CDC37L1: variants seen among roughly 807,000 people sequenced by gnomAD.
CDC37L1 encodes the protein cell division cycle 37 like 1, HSP90 cochaperone.
Under a neutral mutation model 45.9 loss-of-function variants are expected in CDC37L1, and 32 were observed. The observed-to-expected ratio is 0.70, with a 90% CI of 0.53 to 0.94. CDC37L1 has a LOEUF of 0.94. Among genes scored for constraint, CDC37L1 ranks in the 40% least tolerant of loss-of-function variants. The pLI is 0.00. For synonymous variants in CDC37L1, 150 were observed against 133.0 expected, an observed-to-expected ratio of 1.13 and a Z score of -0.88; for missense variants, 434 against 405.7, an observed-to-expected ratio of 1.07 and a Z score of -0.60.
At chr9:4,694,086 G>A (rs1279652218) in intron 3 of CDC37L1, among the ~76,000 whole-genome samples, 1 of 152,098 alleles carries the variant, frequency 6.6e-6, no homozygotes, top group Non-Finnish European at 1.5e-5. Context: ...TTCTCCTTAT[G>A]TGTTTTATTT....
chr9:4,702,962 G>A, intron 6 of CDC37L1: 2 of 629,880 alleles, frequency 3.2e-6, no homozygotes, highest in Non-Finnish European at 4.6e-6. Context: ...AAGGAGACAT[G>A]ATCAGACCAC....
At chr9:4,697,298 T>A (rs968626874) in intron 4 of CDC37L1, 87 bp downstream of exon 4, 45 of 692,220 alleles carry the variant, frequency 6.5e-5, no homozygotes, top group Non-Finnish European at 1.1e-4. Flanking sequence ...GTTTTCTACA[T>A]TAAGTCCTTT....
intron 5 of CDC37L1, among the ~76,000 whole-genome samples, chr9:4,701,242 T>G (rs948990201): frequency 1.3e-5 from 2 of 152,176 alleles, no homozygotes; most frequent in African/African-American, 4.8e-5. Context: ...CAATAGGGAG[T>G]TGCCTAAGAG....
chr9:4,680,173 T>A (rs1841176899), intron 1 of CDC37L1, among the ~76,000 whole-genome samples: 1 of 152,190 alleles, frequency 6.6e-6, no homozygotes, highest in Non-Finnish European at 1.5e-5. Flanking sequence ...AATACCTTCC[T>A]CCATCTCCCC....
At chr9:4,686,926 C>T (rs1384156625) in intron 2 of CDC37L1, among the ~76,000 whole-genome samples, 2 of 152,108 alleles carry the variant, frequency 1.3e-5, no homozygotes, top group Non-Finnish European at 2.9e-5. Flanking sequence ...TTTTGTATTG[C>T]TTACATGTTG....
intron 3 of CDC37L1, among the ~76,000 whole-genome samples, chr9:4,694,653 A>G (rs894799246): frequency 2.0e-5 from 3 of 152,074 alleles, no homozygotes; most frequent in Non-Finnish European, 4.4e-5. Flanking sequence ...CAGGTGGATC[A>G]TGAGGTTAGG....
intron 6 of CDC37L1, among the ~76,000 whole-genome samples, chr9:4,704,693 G>T (rs761957189): frequency 6.6e-6 from 1 of 152,102 alleles, no homozygotes; most frequent in Non-Finnish European, 1.5e-5. Flanking sequence ...GGTCATTTTT[G>T]ATAAAGCTTA....
chr9:4,705,131 G>A (rs1296482079), intron 6 of CDC37L1, among the ~76,000 whole-genome samples: 3 of 152,138 alleles, frequency 2.0e-5, no homozygotes, highest in Admixed American at 6.5e-5. Context: ...CTATTGGATG[G>A]TGAGGTTTAA....
intron 2 of CDC37L1, among the ~76,000 whole-genome samples, chr9:4,685,754 TCA>T (rs1491145543): frequency 6.6e-6 from 1 of 152,228 alleles, no homozygotes; most frequent in Non-Finnish European, 1.5e-5. Flanking sequence ...GTTTTATACC[TCA>T]GTTTTCCATT....
At chr9:4,692,276 T>G (rs1308612629) in intron 3 of CDC37L1, among the ~76,000 whole-genome samples, 1 of 152,050 alleles carries the variant, frequency 6.6e-6, no homozygotes, top group Non-Finnish European at 1.5e-5. Flanking sequence ...TTTAATGTTT[T>G]TTTTTTTTTT....
intron 4 of CDC37L1, among the ~76,000 whole-genome samples, chr9:4,697,442 C>G (rs547076704): frequency 6.6e-6 from 1 of 151,870 alleles, no homozygotes; most frequent in African/African-American, 2.4e-5. Context: ...CTTTCTCTGC[C>G]ACTCCACCTC....
At chr9:4,705,985 C>A (rs150228239) in intron 6 of CDC37L1, 26 bp from the exon 7 acceptor site, 38 of 1,137,686 alleles carry the variant, frequency 3.3e-5, no homozygotes, top group Non-Finnish European at 4.3e-5. Flanking sequence ...TTTTCTCCCC[C>A]CAATCTACCT....
chr9:4,703,259 C>T (rs892605124), intron 6 of CDC37L1: 1 of 529,118 alleles, frequency 1.9e-6, no homozygotes. Flanking sequence ...GTAATTTCAC[C>T]ATTCCAATTA....
chr9:4,704,124 A>G (rs2130855585), intron 6 of CDC37L1, among the ~76,000 whole-genome samples: 4 of 152,362 alleles, frequency 2.6e-5, no homozygotes, highest in Middle Eastern at 3.4e-3. Flanking sequence ...TCTTACCATA[A>G]TAATAACATC....
chr9:4,693,574 G>T (rs1841321142), intron 3 of CDC37L1, among the ~76,000 whole-genome samples: 1 of 152,130 alleles, frequency 6.6e-6, no homozygotes, highest in Non-Finnish European at 1.5e-5. Context: ...CATATTGAAG[G>T]TTGATGATGG....
chr9:4,698,810 T>C (rs1456785056), intron 5 of CDC37L1, among the ~76,000 whole-genome samples: 1 of 152,164 alleles, frequency 6.6e-6, no homozygotes, highest in African/African-American at 2.4e-5. Context: ...TCCTCAGTAG[T>C]GTACAATAGA....
At chr9:4,688,037 G>C (rs574143684) in intron 2 of CDC37L1, among the ~76,000 whole-genome samples, 2 of 152,008 alleles carry the variant, frequency 1.3e-5, no homozygotes, top group African/African-American at 4.8e-5. Flanking sequence ...TTGTTCTGTC[G>C]CCTGGGCTGG....
chr9:4,703,150 T>C (rs1426406880), intron 6 of CDC37L1: 3 of 1,502,792 alleles, frequency 2.0e-6, no homozygotes, highest in East Asian at 2.5e-5. Flanking sequence ...AGAAGGAAAG[T>C]CTTATTCAAA....
chr9:4,698,145 A>G (rs569313268), intron 5 of CDC37L1, among the ~76,000 whole-genome samples: 1 of 152,320 alleles, frequency 6.6e-6, no homozygotes, highest in South Asian at 2.1e-4. Context: ...TTCCATCATT[A>G]ATTCATTCAG....
Sources: gnomAD v4.1 joint callset for allele counts (sites outside exome capture counted in the v4.1 genomes callset) on GRCh38, gnomAD v4.1.1 for gene constraint, MANE v1.5 for transcripts, NCBI Gene and HGNC (gene_info 2026-07-23, HGNC 2026-07-21) for gene names.